Variants in THSD7B observed in about 807,000 individuals in gnomAD.
THSD7B encodes the protein thrombospondin type-1 domain-containing protein 7B.
A neutral mutation model predicts 213.6 loss-of-function variants in THSD7B; 138 were observed. That is an observed-to-expected ratio of 0.65 (90% CI 0.56 to 0.74). THSD7B has a LOEUF of 0.74. Ranked by LOEUF, THSD7B falls within the 30% of genes least tolerant of loss-of-function variation. The probability of loss-of-function intolerance (pLI) is 0.00; values close to 1 mark genes in which losing one functional copy is unlikely to be tolerated. For synonymous variants in THSD7B, 742 were observed against 687.0 expected, an observed-to-expected ratio of 1.08 and a Z score of -1.25; for missense variants, 1,931 against 1,991.5, an observed-to-expected ratio of 0.97 and a Z score of 0.58.
chr2:136,887,329 T>TGTGA (rs1553455589), intron 2 of THSD7B, among the ~76,000 whole-genome samples: 49 of 151,040 alleles, frequency 3.2e-4, no homozygotes, highest in Middle Eastern at 3.2e-3. Flanking sequence ...TGTGTGTGTG[T>TGTGA]GACAGGCTTT....
At chr2:136,976,712 C>T (rs1298379374) in intron 2 of THSD7B, among the ~76,000 whole-genome samples, 1 of 151,846 alleles carries the variant, frequency 6.6e-6, no homozygotes, top group Non-Finnish European at 1.5e-5. Flanking sequence ...AGCTCCGCCT[C>T]CCAGGTTCAC....
intron 12 of THSD7B, among the ~76,000 whole-genome samples, chr2:137,325,155 A>G (rs1394820596): frequency 3.4e-5 from 2 of 59,150 alleles, no homozygotes; most frequent in Non-Finnish European, 7.2e-5. Flanking sequence ...CTCCACCTAC[A>G]TTGTTTTTTG....
intron 26 of THSD7B, among the ~76,000 whole-genome samples, chr2:137,666,227 C>G (rs1444816180): frequency 6.6e-6 from 1 of 152,018 alleles, no homozygotes; most frequent in Non-Finnish European, 1.5e-5. Context: ...ATGCACCAAT[C>G]CATAAGTTGT....
chr2:137,185,605 G>T (rs537625460), intron 7 of THSD7B, among the ~76,000 whole-genome samples: 4 of 152,260 alleles, frequency 2.6e-5, no homozygotes, highest in South Asian at 2.1e-4. Context: ...AGTATTCCAT[G>T]ATGTATACAT....
At chr2:137,546,230 T>C (rs1011114699) in intron 15 of THSD7B, among the ~76,000 whole-genome samples, 33 of 144,414 alleles carry the variant, frequency 2.3e-4, no homozygotes, top group African/African-American at 8.5e-4. Context: ...ATAAAATTAA[T>C]AACAGTGGGC....
intron 2 of THSD7B, among the ~76,000 whole-genome samples, chr2:136,999,048 C>T (rs1247548795): frequency 6.6e-6 from 1 of 151,998 alleles, no homozygotes; most frequent in African/African-American, 2.4e-5. Context: ...CAATCACTCC[C>T]ATCTCTTCCT....
chr2:137,182,155 T>C (rs1205227945), intron 7 of THSD7B, among the ~76,000 whole-genome samples: 3 of 152,160 alleles, frequency 2.0e-5, no homozygotes, highest in Non-Finnish European at 4.4e-5. Context: ...AAAGGGAAAG[T>C]ATAACTACCT....
chr2:137,097,638 T>C (rs1424581309), intron 4 of THSD7B, among the ~76,000 whole-genome samples: 1 of 152,142 alleles, frequency 6.6e-6, no homozygotes, highest in Non-Finnish European at 1.5e-5. Context: ...TAATTCAGGA[T>C]GTACCCAAGA....
intron 2 of THSD7B, among the ~76,000 whole-genome samples, chr2:136,902,367 A>G (rs554008403): frequency 1.4e-4 from 22 of 152,338 alleles, no homozygotes; most frequent in African/African-American, 4.8e-4. Context: ...TCGTTATGAA[A>G]CATATATTTA....
At chr2:137,073,911 A>C (rs1047798671) in intron 3 of THSD7B, among the ~76,000 whole-genome samples, 1 of 152,128 alleles carries the variant, frequency 6.6e-6, no homozygotes, top group Non-Finnish European at 1.5e-5. Flanking sequence ...GAATTTCTTA[A>C]TCCTGAGTTC....
intron 14 of THSD7B, among the ~76,000 whole-genome samples, chr2:137,417,154 A>G (rs1301596590): frequency 6.6e-6 from 1 of 152,222 alleles, no homozygotes; most frequent in African/African-American, 2.4e-5. Flanking sequence ...ATCATAATCT[A>G]AAGAATCTCT....
chr2:137,070,690 C>A (rs1044394844), intron 3 of THSD7B, among the ~76,000 whole-genome samples: 2 of 151,920 alleles, frequency 1.3e-5, no homozygotes, highest in African/African-American at 2.4e-5. Context: ...TTAGGTATAT[C>A]TCCTAATGCT....
intron 2 of THSD7B, among the ~76,000 whole-genome samples, chr2:136,980,820 TG>T (rs1685564074): frequency 6.6e-6 from 1 of 152,206 alleles, no homozygotes; most frequent in African/African-American, 2.4e-5. Context: ...ATGGTTTCCC[TG>T]GCAGGGTAGC....
At chr2:137,633,882 A>G (rs1343529530) in intron 20 of THSD7B, among the ~76,000 whole-genome samples, 2 of 152,188 alleles carry the variant, frequency 1.3e-5, no homozygotes, top group Admixed American at 1.3e-4. Flanking sequence ...TTACAATGAC[A>G]AAAGGTATCA....
chr2:136,832,096 AG>A (rs1159305184), intron 1 of THSD7B, among the ~76,000 whole-genome samples: 1 of 152,024 alleles, frequency 6.6e-6, no homozygotes, highest in Non-Finnish European at 1.5e-5. Flanking sequence ...CCTTATACCC[AG>A]TAGGCTATAA....
intron 7 of THSD7B, among the ~76,000 whole-genome samples, chr2:137,173,551 A>G (rs1680305114): frequency 6.6e-6 from 1 of 152,174 alleles, no homozygotes; most frequent in Non-Finnish European, 1.5e-5. Flanking sequence ...TTTGACCTAC[A>G]CACTGAACTT....
At chr2:136,839,620 T>C (rs369784918) in intron 1 of THSD7B, among the ~76,000 whole-genome samples, 2 of 152,228 alleles carry the variant, frequency 1.3e-5, no homozygotes, top group Non-Finnish European at 1.5e-5. Flanking sequence ...TAGGAGACAC[T>C]TGACCTGCAC....
chr2:137,114,940 T>G (rs1558926078), intron 4 of THSD7B, among the ~76,000 whole-genome samples, 184 bp from the exon 5 acceptor site: 1 of 149,168 alleles, frequency 6.7e-6, no homozygotes, highest in South Asian at 2.2e-4. Flanking sequence ...CTGCTGGATG[T>G]TTTTTTTTTC....
chr2:137,148,813 A>G (rs1480964786), intron 5 of THSD7B, among the ~76,000 whole-genome samples: 1 of 152,212 alleles, frequency 6.6e-6, no homozygotes, highest in Non-Finnish European at 1.5e-5. Context: ...AGCAGAGCAT[A>G]AAAGTTTGGA....
Sources: allele counts gnomAD v4.1 joint callset (sites outside exome capture counted in the v4.1 genomes callset), GRCh38; gene constraint gnomAD v4.1.1; transcripts MANE v1.5; gene names NCBI Gene and HGNC (gene_info 2026-07-23, HGNC 2026-07-21).